Variants in RSF1 observed in about 807,000 individuals in gnomAD.
RSF1 encodes the protein remodeling and spacing factor 1, also known as HBV pX-associated protein 8.
A neutral mutation model predicts 145.2 loss-of-function variants in RSF1; 13 were observed. The ratio of observed to expected loss-of-function variants is 0.09; its 90% CI spans 0.06 to 0.14. RSF1 has a LOEUF of 0.14. Ranked by LOEUF, RSF1 falls within the 10% of genes least tolerant of loss-of-function variation. The probability of loss-of-function intolerance (pLI) is 1.00; values close to 1 mark genes in which losing one functional copy is unlikely to be tolerated. For synonymous variants in RSF1, 577 were observed against 592.6 expected, an observed-to-expected ratio of 0.97 and a Z score of 0.38; for missense variants, 1,517 against 1,718.2, an observed-to-expected ratio of 0.88 and a Z score of 2.07.
At chr11:77,699,857 A>G (rs1188245118) in intron 6 of RSF1, among the ~76,000 whole-genome samples, 1 of 152,210 alleles carries the variant, frequency 6.6e-6, no homozygotes, top group Non-Finnish European at 1.5e-5. Context: ...GTCAATCAGT[A>G]AGTGAGTGGT....
chr11:77,733,114 G>A (rs943332566), intron 4 of RSF1, among the ~76,000 whole-genome samples: 13 of 152,114 alleles, frequency 8.5e-5, no homozygotes, highest in Admixed American at 3.3e-4. Context: ...TAGGTTATGG[G>A]ATAATAGTTT....
intron 6 of RSF1, among the ~76,000 whole-genome samples, chr11:77,699,833 G>T (rs533949504): frequency 6.6e-6 from 1 of 152,098 alleles, no homozygotes; most frequent in Non-Finnish European, 1.5e-5. Flanking sequence ...TGAAAAATTG[G>T]AAACAACCTA....
chr11:77,671,138 AAT>A (rs1225103987), intron 15 of RSF1, among the ~76,000 whole-genome samples: 1,086 of 21,994 alleles, frequency 0.049, 31 homozygotes, highest in Middle Eastern at 0.071. Flanking sequence ...AAAAAAAAAA[AAT>A]ATATATATAT....
At chr11:77,721,138 C>T (rs1960932077) in intron 5 of RSF1, among the ~76,000 whole-genome samples, 1 of 152,074 alleles carries the variant, frequency 6.6e-6, no homozygotes, top group African/African-American at 2.4e-5. Context: ...CTCTCCAGTG[C>T]CTATTTATTT....
intron 1 of RSF1, among the ~76,000 whole-genome samples, chr11:77,784,174 A>G (rs1228124282): frequency 6.6e-6 from 1 of 152,202 alleles, no homozygotes; most frequent in African/African-American, 2.4e-5. Context: ...AGACCAGTGA[A>G]GCACTTGATT....
the RSF1 span, chr11:77,841,004 T>A: frequency 5.9e-6 from 3 of 510,324 alleles, no homozygotes; most frequent in East Asian, 8.6e-5. Flanking sequence ...ATGAAAATAA[T>A]TTTTTTTCTC....
chr11:77,667,011 C>T lies in RSF1; in HGVS notation c.4232G>A (p.Gly1411Asp). 1 of 1,613,466 alleles carries T rather than the reference C, an allele frequency of 6.2e-7. No individual in the cohort carries two copies. The highest frequency in any genetic ancestry group is 1.1e-5 in the South Asian group (1 of 91,072). The stretch of plus-strand genomic sequence containing the variant: ...TTCTGGTGCTCCTGCCTCCTGCCCA[C>T]CACTTGTCCCATTGGAGGCTAGGCT... ...SASLASNGTS[G>D]GQEAGAPEEE... is the part of the protein sequence containing the mutation. Residue 1411 changes from glycine (G) to aspartate (D), a missense_variant, in exon 16 of 16, where the codon GGT (glycine) becomes GAT (aspartate). Transcript: ENST00000308488.
the RSF1 span, chr11:77,872,043 G>T: frequency 9.6e-7 from 1 of 1,037,936 alleles, no homozygotes; most frequent in Non-Finnish European, 1.3e-6. Context: ...TTTTGGACTG[G>T]TGATACACTG....
intron 1 of RSF1, among the ~76,000 whole-genome samples, chr11:77,804,166 G>A (rs1254325070): frequency 6.6e-6 from 1 of 152,236 alleles, no homozygotes; most frequent in Non-Finnish European, 1.5e-5. Context: ...TACAGGGAGA[G>A]TGCACAGAAG....
intron 1 of RSF1, among the ~76,000 whole-genome samples, chr11:77,768,452 C>A (rs772824728): frequency 6.6e-6 from 1 of 152,114 alleles, no homozygotes; most frequent in Middle Eastern, 3.2e-3. Context: ...TGAGCCACTG[C>A]GCCCGGCCAA....
rs532132184 is a variant in RSF1 at position 77,705,656 on chromosome 11, G to A, written c.734-3161C>T. ...GACCAATGACATGTATGAGGAAGTC[G>A]TGGGTGAGAAGGGAGTCAGCTGACT... On this transcript the variant is annotated intron_variant, in intron 5 of 15. Transcript: ENST00000308488. Among the ~76,000 whole-genome samples, 46 of 152,264 alleles carry A rather than the reference G, an allele frequency of 3.0e-4. No homozygotes were observed. In the South Asian group the frequency reaches 9.1e-3, roughly 30 times the overall value.
intron 4 of RSF1, among the ~76,000 whole-genome samples, chr11:77,726,964 T>C (rs745325286): frequency 9.2e-5 from 14 of 152,210 alleles, no homozygotes; most frequent in Non-Finnish European, 1.9e-4. Context: ...ATTGGTCTTC[T>C]AAATAAAGCA....
rs112857275 is a variant in RSF1 at position 77,743,290 on chromosome 11, T to C, written c.373-2354A>G. ...TGTGAACAATGCCATTGGAATTTGA[T>C]AGGGACTGCGTTGAATCTGTAGATC... On this transcript the variant is annotated intron_variant, in intron 3 of 15. Transcript: ENST00000308488. 1.6e-3 allele frequency among the ~76,000 whole-genome samples: 241 copies of C among 152,322 alleles called. 1 individual carries two copies. Among genetic ancestry groups the C allele is most frequent in the African/African-American group, 5.3e-3 (221 of 41,578 alleles).
intron 3 of RSF1, among the ~76,000 whole-genome samples, chr11:77,745,975 T>C (rs111654408): frequency 5.3e-5 from 8 of 152,172 alleles, no homozygotes; most frequent in East Asian, 1.9e-4. Flanking sequence ...AATAAATACA[T>C]AGTATACACA....
At chr11:77,698,049 A>G (rs1484515306) in intron 7 of RSF1, among the ~76,000 whole-genome samples, 1 of 152,190 alleles carries the variant, frequency 6.6e-6, no homozygotes, top group African/African-American at 2.4e-5. Flanking sequence ...GGGTCTTGCT[A>G]TGCTGCCCAG....
Position 77,700,920 on chromosome 11 carries a change from T to C in RSF1, c.2309A>G (p.Asn770Ser). 3 of 1,613,626 alleles carry C rather than the reference T, an allele frequency of 1.9e-6. No homozygotes were observed. The highest frequency in any genetic ancestry group is 2.5e-6 in the Non-Finnish European group (3 of 1,179,964). The change falls in exon 6 of 16, where the codon AAT becomes AGT. Residue 770 changes from asparagine (N) to serine (S), a missense_variant. This residue lies in a region of RSF1 where 579 missense variants were observed against 553.5 expected (regional missense o/e 1.05). Coordinates refer to ENST00000308488, the MANE Select transcript of RSF1 (RefSeq NM_016578.4). ...EKTEKEEEKT[N>S]VGRTLRRSPR... Reference sequence around the variant, plus strand: ...AGATCTTCTTAAAGTACGACCCACATTTGTTTTCTCCTCTTCCTTTTCTGT... The same window carrying C: ...AGATCTTCTTAAAGTACGACCCACACTTGTTTTCTCCTCTTCCTTTTCTGT...
chr11:77,872,185 C>G, the RSF1 span: 1 of 1,612,918 alleles, frequency 6.2e-7, no homozygotes, highest in Non-Finnish European at 8.5e-7. Context: ...GTGCCTTCAT[C>G]AACTGTGGAG....
intron 4 of RSF1, among the ~76,000 whole-genome samples, chr11:77,739,996 T>C (rs571578824): frequency 3.4e-4 from 52 of 152,312 alleles, no homozygotes; most frequent in African/African-American, 1.3e-3. Context: ...AATAAAGAAA[T>C]GTATGCACAG....
At chr11:77,814,459 A>G (rs1948762961) in intron 1 of RSF1, among the ~76,000 whole-genome samples, 1 of 152,062 alleles carries the variant, frequency 6.6e-6, no homozygotes, top group Admixed American at 6.6e-5. Flanking sequence ...TGGGGGGGAA[A>G]AAAAAGGACA....
Sources: gnomAD v4.1 joint callset for allele counts (sites outside exome capture counted in the v4.1 genomes callset) on GRCh38, gnomAD v4.1.1 for gene constraint, gnomAD v4.1.1 regional missense constraint, MANE v1.5 for transcripts, NCBI Gene and HGNC (gene_info 2026-07-23, HGNC 2026-07-21) for gene names.